SLC2A13: variants seen among roughly 807,000 people sequenced by gnomAD.
SLC2A13 encodes the protein proton myo-inositol cotransporter.
Under a neutral mutation model 64.4 loss-of-function variants are expected in SLC2A13, and 32 were observed. The ratio of observed to expected loss-of-function variants is 0.50; its 90% CI spans 0.37 to 0.67. The LOEUF (loss-of-function observed/expected upper bound fraction) is 0.67, where lower values mean the gene tolerates loss of function less well. SLC2A13 is among the 30% of genes least tolerant of loss of function. The pLI, the probability that SLC2A13 is intolerant of heterozygous loss-of-function variation, is 0.00. For synonymous variants in SLC2A13, 338 were observed against 327.1 expected (o/e 1.03, Z -0.36); for missense variants, 743 against 829.2 (o/e 0.90, Z 1.28).
intron 6 of SLC2A13, among the ~76,000 whole-genome samples, chr12:39,848,320 C>A (rs1038847007): frequency 1.3e-5 from 2 of 151,872 alleles, no homozygotes; most frequent in Non-Finnish European, 2.9e-5. Flanking sequence ...AGGAACTTAG[C>A]AAATTTACAA....
intron 7 of SLC2A13, among the ~76,000 whole-genome samples, chr12:39,816,459 T>G: frequency 6.8e-6 from 1 of 147,364 alleles, no homozygotes; most frequent in South Asian, 2.3e-4. Context: ...AGGGATAGCA[T>G]TAGGAGATAT....
At chr12:39,791,238 CT>C (rs1480489342) in intron 7 of SLC2A13, among the ~76,000 whole-genome samples, 1 of 145,480 alleles carries the variant, frequency 6.9e-6, no homozygotes, top group Non-Finnish European at 1.5e-5. Flanking sequence ...ATAATAAGAG[CT>C]ATCTATGACA....
Position 39,843,650 on chromosome 12 carries a change from T to G in SLC2A13, c.1320-13422A>C, listed in dbSNP as rs528565776. Among the ~76,000 whole-genome samples the G allele has an allele frequency of 2.6e-5, 4 of 152,202 alleles. No homozygotes were observed. In the South Asian group the frequency reaches 8.3e-4, roughly 32 times the overall value. On this transcript the variant is annotated intron_variant, in intron 6 of 9. Transcript: ENST00000280871. The stretch of plus-strand genomic sequence containing the variant: ...TGTAGGCCAAAGCATTTATTGCTAG[T>G]GCTCAACTCTCCAGCTCTATGCTTC...
intron 6 of SLC2A13, among the ~76,000 whole-genome samples, chr12:39,856,517 T>A (rs996875023): frequency 1.3e-5 from 2 of 152,208 alleles, no homozygotes; most frequent in Admixed American, 6.5e-5. Flanking sequence ...TACAGGCGCA[T>A]GCCACCATGC....
At chr12:40,014,201 GGCC>G (rs1947580154) in intron 3 of SLC2A13, among the ~76,000 whole-genome samples, 2 of 152,066 alleles carry the variant, frequency 1.3e-5, no homozygotes, top group Non-Finnish European at 2.9e-5. Context: ...ATGTATTTCT[GGCC>G]CAGAGGTAAA....
At chr12:39,812,388 TTCTC>T (rs144685789) in intron 7 of SLC2A13, among the ~76,000 whole-genome samples, 47 of 124,914 alleles carry the variant, frequency 3.8e-4, no homozygotes, top group Admixed American at 5.3e-4. Flanking sequence ...TTTTCTTTCT[TTCTC>T]TCTCTCTTTC....
chr12:39,997,748 G>A (rs1021046824), intron 3 of SLC2A13, among the ~76,000 whole-genome samples: 6 of 152,116 alleles, frequency 3.9e-5, no homozygotes, highest in African/African-American at 7.2e-5. Flanking sequence ...GGAGAATGGC[G>A]AGAACCTGGG....
intron 4 of SLC2A13, among the ~76,000 whole-genome samples, chr12:39,899,222 G>A (rs1252792206): frequency 6.6e-6 from 1 of 152,152 alleles, no homozygotes; most frequent in Non-Finnish European, 1.5e-5. Flanking sequence ...GGGTGTATGT[G>A]TCGAGGAATT....
At chr12:39,786,196 A>G (rs1941179488) in intron 7 of SLC2A13, among the ~76,000 whole-genome samples, 1 of 152,078 alleles carries the variant, frequency 6.6e-6, no homozygotes, top group Non-Finnish European at 1.5e-5. Flanking sequence ...ATTCCCATGT[A>G]TTGTGGGAGG....
At chr12:40,078,454 T>A (rs1399597514) in intron 1 of SLC2A13, among the ~76,000 whole-genome samples, 2 of 152,228 alleles carry the variant, frequency 1.3e-5, no homozygotes, top group African/African-American at 2.4e-5. Flanking sequence ...GATTTCCATA[T>A]GTTGAATCAA....
chr12:39,891,346 C>G (rs941991786), intron 4 of SLC2A13, among the ~76,000 whole-genome samples: 3 of 151,722 alleles, frequency 2.0e-5, no homozygotes, highest in Non-Finnish European at 4.4e-5. Context: ...GAGGGACCCG[C>G]ACTGTTTCAC....
intron 3 of SLC2A13, among the ~76,000 whole-genome samples, chr12:39,975,946 T>A (rs540895878): frequency 5.0e-4 from 76 of 152,340 alleles, no homozygotes; most frequent in Non-Finnish European, 9.6e-4. Flanking sequence ...AACAGCAGAC[T>A]AGGAGTGCTC....
At chr12:40,016,258 G>A (rs1947619503) in intron 3 of SLC2A13, among the ~76,000 whole-genome samples, 1 of 152,060 alleles carries the variant, frequency 6.6e-6, no homozygotes. Context: ...GCTTAAGACA[G>A]AAAAATCTAC....
intron 3 of SLC2A13, among the ~76,000 whole-genome samples, chr12:40,001,805 T>C (rs937590449): frequency 6.6e-6 from 1 of 152,246 alleles, no homozygotes; most frequent in Non-Finnish European, 1.5e-5. Context: ...TTCTATTTCT[T>C]CAATAAATAT....
At chr12:39,961,955 G>A (rs965047723) in intron 3 of SLC2A13, among the ~76,000 whole-genome samples, 5 of 152,110 alleles carry the variant, frequency 3.3e-5, no homozygotes, top group Non-Finnish European at 7.3e-5. Flanking sequence ...TTTAATACAT[G>A]TACCAAAATA....
At chr12:39,941,717 G>A (rs941788892) in intron 4 of SLC2A13, among the ~76,000 whole-genome samples, 6 of 151,666 alleles carry the variant, frequency 4.0e-5, no homozygotes, top group African/African-American at 1.5e-4. Flanking sequence ...CTCTGTGGGA[G>A]GTCCCAATTA....
intron 6 of SLC2A13, among the ~76,000 whole-genome samples, chr12:39,858,697 C>A (rs1943673172): frequency 6.6e-6 from 1 of 152,270 alleles, no homozygotes; most frequent in South Asian, 2.1e-4. Flanking sequence ...ACCTCCGCCT[C>A]CCAGGTTCAA....
At chr12:40,007,925 T>C (rs1375435065) in intron 3 of SLC2A13, among the ~76,000 whole-genome samples, 1 of 152,234 alleles carries the variant, frequency 6.6e-6, no homozygotes. Flanking sequence ...CTTATCTATA[T>C]TACTTTTATA....
At chr12:40,102,398 T>TATCTTA in intron 1 of SLC2A13, among the ~76,000 whole-genome samples, 1 of 152,326 alleles carries the variant, frequency 6.6e-6, no homozygotes, top group East Asian at 1.9e-4. Context: ...CAATCCTACC[T>TATCTTA]TAAAGTGCTA....
Sources: allele counts gnomAD v4.1 joint callset (sites outside exome capture counted in the v4.1 genomes callset), GRCh38; gene constraint gnomAD v4.1.1; transcripts MANE v1.5; gene names NCBI Gene and HGNC (gene_info 2026-07-23, HGNC 2026-07-21).